Variants in RBFOX1 observed in about 807,000 individuals in gnomAD.
RBFOX1 encodes RNA binding fox-1 homolog 1.
A neutral mutation model predicts 57.7 loss-of-function variants in RBFOX1; 8 were observed. That is an observed-to-expected ratio of 0.14 (90% CI 0.08 to 0.25). RBFOX1 has a LOEUF of 0.25. RBFOX1 is among the 10% of genes least tolerant of loss of function. The pLI, the probability that RBFOX1 is intolerant of heterozygous loss-of-function variation, is 1.00. For synonymous variants in RBFOX1, 326 were observed against 222.4 expected, an observed-to-expected ratio of 1.47 and a Z score of -4.15; for missense variants, 611 against 548.5, an observed-to-expected ratio of 1.11 and a Z score of -1.14.
intron 1 of RBFOX1, among the ~76,000 whole-genome samples, chr16:6,103,029 C>T (rs928868043): frequency 2.0e-5 from 3 of 152,114 alleles, no homozygotes; most frequent in Non-Finnish European, 2.9e-5. Context: ...AGTGTCTTCC[C>T]CTCTTTTGGA....
intron 4 of RBFOX1, among the ~76,000 whole-genome samples, chr16:7,222,829 C>G (rs932444281): frequency 1.3e-4 from 20 of 152,208 alleles, no homozygotes; most frequent in African/African-American, 4.8e-4. Context: ...TCATGAAAGA[C>G]TGCAGTGTTC....
chr16:6,121,556 C>T (rs777180586), intron 1 of RBFOX1, among the ~76,000 whole-genome samples: 1 of 152,194 alleles, frequency 6.6e-6, no homozygotes, highest in Non-Finnish European at 1.5e-5. Flanking sequence ...CTGACTGTGT[C>T]ACTCCATTTG....
chr16:5,362,793 G>A (rs991825323), intron 1 of RBFOX1, among the ~76,000 whole-genome samples: 4 of 151,996 alleles, frequency 2.6e-5, no homozygotes, highest in Admixed American at 6.6e-5. Context: ...GAATCATATA[G>A]CATTTGTCTT....
chr16:7,056,834 A>G (rs151090720), intron 4 of RBFOX1, among the ~76,000 whole-genome samples: 118 of 152,306 alleles, frequency 7.7e-4, no homozygotes, highest in South Asian at 1.2e-3. Flanking sequence ...CTGATCTGCA[A>G]TATGGCAATG....
intron 3 of RBFOX1, among the ~76,000 whole-genome samples, chr16:6,716,314 T>A (rs1298486736): frequency 4.6e-5 from 7 of 152,202 alleles, no homozygotes; most frequent in Admixed American, 1.3e-4. Flanking sequence ...ATCCCTTCTG[T>A]GGGGTATTTT....
chr16:6,190,036 G>A (rs1211247638), intron 1 of RBFOX1, among the ~76,000 whole-genome samples: 1 of 152,124 alleles, frequency 6.6e-6, no homozygotes, highest in Non-Finnish European at 1.5e-5. Flanking sequence ...AACATTTTGT[G>A]AAGTTATCTA....
chr16:5,347,574 G>A lies in RBFOX1; in HGVS notation c.219+107469G>A, dbSNP rs9922698. Among the ~76,000 whole-genome samples the A allele has an allele frequency of 4.2e-3, 642 of 151,792 alleles. 5 individuals are homozygous for A. The highest frequency in any genetic ancestry group is 0.014 in the African/African-American group (598 of 41,356). ...CACCTACCGACTCATCCTTCCACTC[G>A]TCTGTCCGTCTACCCACCCATCCAC... is the stretch of plus-strand genomic sequence containing the variant. On this transcript the variant is annotated intron_variant, in intron 1 of 2. Coordinates refer to the RBFOX1 transcript ENST00000585867.
chr16:7,217,010 TCCCTCCCTCCCTCCCTCCCTC>T (rs1346996706), intron 4 of RBFOX1, among the ~76,000 whole-genome samples: 4 of 6,446 alleles, frequency 6.2e-4, no homozygotes, highest in Non-Finnish European at 1.2e-3. Context: ...CTCCCTCCCT[TCCCTCCCTCCCTCCCTCCCTC>T]CCTCCCTCCC....
chr16:5,984,722 A>T (rs921714023), intron 4 of RBFOX1, among the ~76,000 whole-genome samples: 3 of 151,992 alleles, frequency 2.0e-5, no homozygotes, highest in African/African-American at 7.2e-5. Flanking sequence ...ACATCACAGA[A>T]GGCACTTAAC....
chr16:5,682,598 AT>A (rs1331076543), intron 3 of RBFOX1, among the ~76,000 whole-genome samples: 45 of 152,234 alleles, frequency 3.0e-4, no homozygotes, highest in African/African-American at 1.0e-3. Context: ...GGAAGGAATT[AT>A]CCCCATTGTA....
At chr16:7,114,576 T>G (rs74008809) in intron 4 of RBFOX1, among the ~76,000 whole-genome samples, 4,786 of 152,280 alleles carry the variant, frequency 0.031, 261 homozygotes, top group African/African-American at 0.11. Flanking sequence ...ACCATCTATT[T>G]ATCTCCTCTA....
Position 7,520,964 on chromosome 16 carries a change from G to A in RBFOX1, c.270+2575G>A, listed in dbSNP as rs1332706404. Among the ~76,000 whole-genome samples the A allele has an allele frequency of 2.0e-5, 3 of 152,290 alleles. No individual in the cohort carries two copies. The South Asian group carries it at 6.2e-4, about 32-fold the overall frequency. ...CTGCCATGGTTGAACAAAACAAAAT[G>A]ATCTTTACCTCTTGTAACTTAGTAT... On this transcript the variant is annotated intron_variant, in intron 5 of 15. Coordinates refer to ENST00000550418, the MANE Select transcript of RBFOX1 (RefSeq NM_018723.4).
intron 1 of RBFOX1, among the ~76,000 whole-genome samples, chr16:5,336,769 G>A (rs1054023709): frequency 6.6e-6 from 1 of 152,166 alleles, no homozygotes; most frequent in South Asian, 2.1e-4. Context: ...CCTCCTTCTG[G>A]TGAGCTCCTG....
chr16:7,079,947 C>A (rs1308391377), intron 4 of RBFOX1, among the ~76,000 whole-genome samples: 3 of 150,584 alleles, frequency 2.0e-5, no homozygotes, highest in Non-Finnish European at 1.5e-5. Flanking sequence ...TGTGAATGTA[C>A]TTAATGCAGC....
intron 4 of RBFOX1, among the ~76,000 whole-genome samples, chr16:7,227,166 A>T (rs571652016): frequency 2.4e-4 from 37 of 152,132 alleles, no homozygotes; most frequent in Non-Finnish European, 4.7e-4. Flanking sequence ...TATGTCACTC[A>T]TGTACATGGT....
At chr16:5,637,231 G>A (rs541522758) in intron 3 of RBFOX1, among the ~76,000 whole-genome samples, 42 of 152,338 alleles carry the variant, frequency 2.8e-4, no homozygotes, top group African/African-American at 9.6e-4. Flanking sequence ...AGGCTTTCAA[G>A]CAGCCTCCAA....
intron 3 of RBFOX1, among the ~76,000 whole-genome samples, chr16:6,846,003 T>C (rs34067476): frequency 0.31 from 46,967 of 152,122 alleles, 7,842 homozygotes; most frequent in East Asian, 0.54. Context: ...CTCTGTAAAA[T>C]GAACCTGTGC....
intron 3 of RBFOX1, among the ~76,000 whole-genome samples, chr16:5,718,880 G>A (rs184013984): frequency 1.5e-3 from 227 of 151,982 alleles, no homozygotes; most frequent in Admixed American, 3.3e-3. Context: ...ATTTACCCCA[G>A]TCTAGGTGAC....
At chr16:6,052,018 C>T (rs978947166) in intron 1 of RBFOX1, among the ~76,000 whole-genome samples, 1 of 152,168 alleles carries the variant, frequency 6.6e-6, no homozygotes, top group East Asian at 1.9e-4. Context: ...TCTCTCTAGT[C>T]CAGTCCCCAT....
Sources: allele counts gnomAD v4.1 joint callset (sites outside exome capture counted in the v4.1 genomes callset), GRCh38; gene constraint gnomAD v4.1.1; transcripts MANE v1.5; gene names NCBI Gene and HGNC (gene_info 2026-07-23, HGNC 2026-07-21).